CDH13: variants seen among roughly 807,000 people sequenced by gnomAD.
The protein encoded by CDH13 is cadherin-13.
CDH13 carries 24 observed loss-of-function variants against 63.8 expected under a neutral mutation model. That is an observed-to-expected ratio of 0.38 (90% CI 0.27 to 0.53). The LOEUF (loss-of-function observed/expected upper bound fraction) is 0.53, where lower values mean the gene tolerates loss of function less well. Ranked by LOEUF, CDH13 falls within the 20% of genes least tolerant of loss-of-function variation. The pLI, the probability that CDH13 is intolerant of heterozygous loss-of-function variation, is 0.85. For synonymous variants in CDH13, 503 were observed against 355.3 expected (o/e 1.42, Z -4.67); for missense variants, 1,049 against 903.1 (o/e 1.16, Z -2.07).
chr16:82,908,547 G>A (rs560426149), intron 2 of CDH13, among the ~76,000 whole-genome samples: 19 of 152,256 alleles, frequency 1.2e-4, no homozygotes, highest in South Asian at 8.3e-4. Context: ...GTCTAGATAC[G>A]AGTACATTCT....
At chr16:83,458,360 C>A (rs554790729) in intron 6 of CDH13, among the ~76,000 whole-genome samples, 3 of 152,168 alleles carry the variant, frequency 2.0e-5, no homozygotes, top group Non-Finnish European at 4.4e-5. Flanking sequence ...TTAAAATGAG[C>A]CTTCCACCTC....
intron 11 of CDH13, among the ~76,000 whole-genome samples, chr16:83,749,818 A>T (rs143589226): frequency 1.6e-3 from 245 of 152,310 alleles, no homozygotes; most frequent in African/African-American, 5.4e-3. Flanking sequence ...CTAAGCCCAG[A>T]GAAGCCCCTG....
intron 1 of CDH13, among the ~76,000 whole-genome samples, chr16:82,632,507 T>G (rs1908132427): frequency 6.6e-6 from 1 of 152,050 alleles, no homozygotes; most frequent in Admixed American, 6.5e-5. Context: ...TGCAGAGAAG[T>G]GACACGCTGC....
chr16:82,660,856 G>T (rs1033345751), intron 1 of CDH13, among the ~76,000 whole-genome samples: 4 of 152,004 alleles, frequency 2.6e-5, no homozygotes, highest in Non-Finnish European at 4.4e-5. Flanking sequence ...TAAAATATAT[G>T]TGGATGTTAA....
chr16:82,652,589 C>A (rs1334337812), intron 1 of CDH13, among the ~76,000 whole-genome samples: 1 of 151,248 alleles, frequency 6.6e-6, no homozygotes, highest in Non-Finnish European at 1.5e-5. Context: ...TTAAAAATTA[C>A]AGATCTTGGA....
At chr16:83,487,706 G>C (rs1172605068) in intron 7 of CDH13, among the ~76,000 whole-genome samples, 1 of 148,816 alleles carries the variant, frequency 6.7e-6, no homozygotes, top group African/African-American at 2.4e-5. Context: ...TGGGGCCTTG[G>C]AGTTGTCCTT....
chr16:83,785,613 G>A (rs563062205), intron 13 of CDH13, among the ~76,000 whole-genome samples: 22 of 152,294 alleles, frequency 1.4e-4, no homozygotes, highest in African/African-American at 4.1e-4. Context: ...TGTTCCCTTC[G>A]TGAGGGTATG....
intron 5 of CDH13, among the ~76,000 whole-genome samples, chr16:83,221,615 G>A (rs954029096): frequency 1.3e-5 from 2 of 151,716 alleles, no homozygotes; most frequent in Admixed American, 6.6e-5. Context: ...GATGACGGGA[G>A]TGGAGTGGGA....
At chr16:82,814,585 C>A (rs1011245426) in intron 1 of CDH13, among the ~76,000 whole-genome samples, 1 of 152,156 alleles carries the variant, frequency 6.6e-6, no homozygotes, top group Admixed American at 6.5e-5. Context: ...CATGGAAGCT[C>A]TGCATACCTT....
At chr16:83,517,272 A>G (rs573653861) in intron 7 of CDH13, among the ~76,000 whole-genome samples, 1 of 152,372 alleles carries the variant, frequency 6.6e-6, no homozygotes, top group South Asian at 2.1e-4. Flanking sequence ...ATCAATCTAA[A>G]AGCAAACTTG....
At chr16:83,686,330 G>C (rs934276315) in intron 10 of CDH13, among the ~76,000 whole-genome samples, 3 of 152,006 alleles carry the variant, frequency 2.0e-5, no homozygotes, top group African/African-American at 7.3e-5. Context: ...CTTCCCTAAT[G>C]AGCCACCAGA....
chr16:83,794,765 A>T (rs1313244008), intron 13 of CDH13, among the ~76,000 whole-genome samples: 2 of 152,146 alleles, frequency 1.3e-5, no homozygotes, highest in Non-Finnish European at 2.9e-5. Context: ...TAACGGTGGT[A>T]ATAGCAGCTC....
chr16:83,337,380 C>T (rs946096412), intron 5 of CDH13, among the ~76,000 whole-genome samples: 1 of 152,110 alleles, frequency 6.6e-6, no homozygotes, highest in African/African-American at 2.4e-5. Flanking sequence ...AGCTCCTTCT[C>T]CATTTCAGGA....
chr16:83,097,672 G>T (rs944094628), intron 3 of CDH13, among the ~76,000 whole-genome samples: 3 of 152,188 alleles, frequency 2.0e-5, no homozygotes, highest in Admixed American at 2.0e-4. Context: ...TATGTGGGAA[G>T]TGCACTCTAG....
At chr16:82,901,020 A>G (rs751252118) in intron 2 of CDH13, among the ~76,000 whole-genome samples, 1 of 152,066 alleles carries the variant, frequency 6.6e-6, no homozygotes, top group Non-Finnish European at 1.5e-5. Flanking sequence ...GTTCTTGGAG[A>G]TCAAGTTAAT....
At position 82,956,122 on chromosome 16, in the gene CDH13, A is replaced by G. The variant is rs191162666; in HGVS notation, c.158-75888A>G. 1.1e-3 allele frequency among the ~76,000 whole-genome samples: 167 copies of G among 151,958 alleles called. 5 individuals carry two copies. The South Asian group carries it at 0.032, about 29-fold the overall frequency. On this transcript the variant is annotated intron_variant, in intron 2 of 13. Coordinates refer to ENST00000567109, the MANE Select transcript of CDH13 (RefSeq NM_001257.5). The stretch of plus-strand genomic sequence containing the variant: ...CTTTTTTTTCCAGTGTATGCTTTCT[A>G]TTTTAGCAAATCAAGGGTGCTACTC...
rs1810289641 is a variant in CDH13 at position 83,796,890 on chromosome 16, G to C, written c.*1860G>C. 3 of 152,180 alleles carry C rather than the reference G, an allele frequency of 2.0e-5. No homozygotes were observed. The South Asian group carries it at 6.2e-4, about 32-fold the overall frequency. 9.4% of individuals were successfully genotyped at this position (152,180 alleles called of 1,614,324 possible). A position where few individuals can be genotyped will look rare whatever the true frequency, so the allele number is the denominator to read the frequency against. On this transcript the variant is annotated 3_prime_UTR_variant, in exon 14 of 14. Transcript: ENST00000567109. ...TGATGACCACATTAAGCATAGTCAT[G>C]GCCATCTGTCAACAGTCCCAAGACC...
chr16:82,786,723 C>T (rs1010466116), intron 1 of CDH13, among the ~76,000 whole-genome samples: 9 of 146,862 alleles, frequency 6.1e-5, no homozygotes, highest in African/African-American at 2.3e-4. Context: ...TCTCATTGTT[C>T]AATTCCCACC....
chr16:83,760,516 G>A lies in CDH13; in HGVS notation c.1681+12266G>A, dbSNP rs141737792. On this transcript the variant is annotated intron_variant, in intron 11 of 13. Transcript: ENST00000567109. Reference sequence around the variant, plus strand: ...ATCTGTACAATAATAATGAGTGAATGAACTGCAACTATTCACAACATCATG... The same window carrying A: ...ATCTGTACAATAATAATGAGTGAATAAACTGCAACTATTCACAACATCATG... Among the ~76,000 whole-genome samples, 6 of 152,316 alleles carry A rather than the reference G, an allele frequency of 3.9e-5. No homozygotes were observed. The East Asian group carries it at 1.2e-3, about 29-fold the overall frequency.
Sources: allele counts gnomAD v4.1 joint callset (sites outside exome capture counted in the v4.1 genomes callset), GRCh38; gene constraint gnomAD v4.1.1; transcripts MANE v1.5; gene names NCBI Gene and HGNC (gene_info 2026-07-23, HGNC 2026-07-21).